PDE3A: variants seen among roughly 807,000 people sequenced by gnomAD.
PDE3A encodes phosphodiesterase 3A.
In PDE3A, 43 loss-of-function variants were observed where a neutral mutation model predicts 98.3. The observed-to-expected ratio is 0.44, with a 90% CI of 0.34 to 0.56. The LOEUF (loss-of-function observed/expected upper bound fraction) is 0.56. PDE3A is among the 20% of genes least tolerant of loss of function. PDE3A has a pLI of 0.01. For synonymous variants in PDE3A, 663 were observed against 567.9 expected, an observed-to-expected ratio of 1.17 and a Z score of -2.38; for missense variants, 1,427 against 1,440.7, an observed-to-expected ratio of 0.99 and a Z score of 0.15.
At chr12:20,578,637 T>C (rs1379013222) in intron 2 of PDE3A, among the ~76,000 whole-genome samples, 28 of 152,124 alleles carry the variant, frequency 1.8e-4, no homozygotes, top group Non-Finnish European at 1.0e-4. Context: ...GGGAGGCTAT[T>C]TGAAAGTCCC....
chr12:20,676,529 T>G (rs539316826), intron 15 of PDE3A, among the ~76,000 whole-genome samples: 4 of 141,394 alleles, frequency 2.8e-5, no homozygotes, highest in Non-Finnish European at 6.1e-5. Context: ...AGATGGAGTC[T>G]CGCTCTGTCC....
intron 15 of PDE3A, among the ~76,000 whole-genome samples, chr12:20,654,769 C>T (rs1441517204): frequency 6.6e-6 from 1 of 151,240 alleles, no homozygotes; most frequent in Non-Finnish European, 1.5e-5. Flanking sequence ...GCCTCGACCT[C>T]CCAAAGTGCT....
chr12:20,386,120 T>TATAAATATATATAA (rs1943779562), intron 1 of PDE3A, among the ~76,000 whole-genome samples: 1 of 76,194 alleles, frequency 1.3e-5, no homozygotes, highest in Non-Finnish European at 2.2e-5. Flanking sequence ...TAAATATATA[T>TATAAATATATATAA]AAATATATAT....
chr12:20,423,863 G>T lies in PDE3A; in HGVS notation c.960+53619G>T, dbSNP rs543082675. Among the ~76,000 whole-genome samples, 10 of 152,220 alleles carry T rather than the reference G, an allele frequency of 6.6e-5. 1 individual carries two copies. The highest frequency in any genetic ancestry group is 2.1e-4 in the South Asian group (1 of 4,816). ...CCAAGGTAAGGCTACAGGTAGTAAA[G>T]CTGTGACCAGAAGGTAGATTTAAAA... is the stretch of plus-strand genomic sequence containing the variant. On this transcript the variant is annotated intron_variant, in intron 1 of 15. Transcript: ENST00000359062.
At position 20,408,426 on chromosome 12, in the gene PDE3A, GT is replaced by G. The variant is rs537929198; in HGVS notation, c.960+38185del. 3.5e-3 allele frequency among the ~76,000 whole-genome samples: 527 copies of G among 152,200 alleles called. 10 individuals are homozygous for G. Among genetic ancestry groups the G allele is most frequent in the Admixed American group, 0.03 (451 of 15,284 alleles). On this transcript the variant is annotated intron_variant, in intron 1 of 15. Coordinates refer to ENST00000359062, the MANE Select transcript of PDE3A (RefSeq NM_000921.5). ...ATTCTTAGTAATATTGTATACTCTA[GT>G]TTAATTTACATGGCTGTTTGGCTCT...
chr12:20,498,864 T>G (rs921765704), intron 1 of PDE3A, among the ~76,000 whole-genome samples: 1 of 152,114 alleles, frequency 6.6e-6, no homozygotes, highest in Admixed American at 6.5e-5. Context: ...TCCTTCCTTC[T>G]TCCTCTGCCC....
At chr12:20,534,232 T>A (rs1287126092) in intron 1 of PDE3A, among the ~76,000 whole-genome samples, 1 of 152,210 alleles carries the variant, frequency 6.6e-6, no homozygotes, top group East Asian at 1.9e-4. Context: ...GGAGACTCAT[T>A]CAGCTTTTCG....
chr12:20,513,168 G>T (rs12311494), intron 1 of PDE3A, among the ~76,000 whole-genome samples: 11,867 of 151,916 alleles, frequency 0.078, 677 homozygotes, highest in African/African-American at 0.17. Flanking sequence ...GAAAAATTTG[G>T]GTCCCACTGT....
chr12:20,446,626 T>G (rs551294095), intron 1 of PDE3A, among the ~76,000 whole-genome samples: 6 of 152,310 alleles, frequency 3.9e-5, no homozygotes, highest in East Asian at 1.9e-4. Flanking sequence ...CTCTGCCTAC[T>G]ATGTGCCAGA....
chr12:20,388,479 T>C (rs1331037640), intron 1 of PDE3A, among the ~76,000 whole-genome samples: 3 of 152,038 alleles, frequency 2.0e-5, no homozygotes, highest in African/African-American at 7.2e-5. Context: ...GTTTTAGACG[T>C]GGCAACAAAA....
chr12:20,438,835 C>T (rs1325057784), intron 1 of PDE3A, among the ~76,000 whole-genome samples: 1 of 151,752 alleles, frequency 6.6e-6, no homozygotes, highest in Non-Finnish European at 1.5e-5. Context: ...TATTGGCTCA[C>T]TGCAACCTCC....
At chr12:20,599,479 G>A (rs1943539468) in intron 2 of PDE3A, among the ~76,000 whole-genome samples, 1 of 152,144 alleles carries the variant, frequency 6.6e-6, no homozygotes, top group South Asian at 2.1e-4. Flanking sequence ...CCCACATCAC[G>A]TTTTCAGCAA....
intron 15 of PDE3A, among the ~76,000 whole-genome samples, chr12:20,664,088 C>G (rs10743388): frequency 0.49 from 75,014 of 151,814 alleles, 19,971 homozygotes; most frequent in East Asian, 0.71. Flanking sequence ...TGGCACTTCT[C>G]TCTTCCTGCC....
intron 1 of PDE3A, among the ~76,000 whole-genome samples, chr12:20,488,210 A>G (rs1323019756): frequency 6.6e-6 from 1 of 152,010 alleles, no homozygotes; most frequent in Non-Finnish European, 1.5e-5. Context: ...TACTCTACCA[A>G]CATCCCCACC....
intron 2 of PDE3A, among the ~76,000 whole-genome samples, chr12:20,569,291 T>C (rs140842939): frequency 1.8e-4 from 28 of 152,234 alleles, no homozygotes; most frequent in African/African-American, 6.7e-4. Flanking sequence ...AAAACTGATA[T>C]TATGTATTGC....
At chr12:20,515,953 C>G (rs111324351) in intron 1 of PDE3A, among the ~76,000 whole-genome samples, 4,927 of 150,286 alleles carry the variant, frequency 0.033, 105 homozygotes, top group South Asian at 0.064. Context: ...GGGATGGTCT[C>G]GATCTCCTGA....
At chr12:20,521,727 T>C (rs778352106) in intron 1 of PDE3A, among the ~76,000 whole-genome samples, 4 of 152,052 alleles carry the variant, frequency 2.6e-5, no homozygotes, top group Non-Finnish European at 4.4e-5. Flanking sequence ...TTAACCTCAA[T>C]AGGGAAGGTA....
At chr12:20,661,440 T>C (rs537168516) in intron 15 of PDE3A, among the ~76,000 whole-genome samples, 41 of 152,240 alleles carry the variant, frequency 2.7e-4, no homozygotes, top group African/African-American at 9.4e-4. Flanking sequence ...CCCAAGACAA[T>C]GGGGAAAATG....
At chr12:20,532,756 T>C (rs1367944089) in intron 1 of PDE3A, among the ~76,000 whole-genome samples, 2 of 149,882 alleles carry the variant, frequency 1.3e-5, no homozygotes, top group East Asian at 2.0e-4. Context: ...TGGCGCGATC[T>C]CGGCTCACTG....
Sources: gnomAD v4.1 joint callset for allele counts (sites outside exome capture counted in the v4.1 genomes callset) on GRCh38, gnomAD v4.1.1 for gene constraint, MANE v1.5 for transcripts, NCBI Gene and HGNC (gene_info 2026-07-23, HGNC 2026-07-21) for gene names.